The following PTBP2 variants were observed in gnomAD, a reference collection of about 807,000 sequenced individuals.
PTBP2 encodes polypyrimidine tract binding protein 2, also known as polypyrimidine tract-binding protein 2.
Under a neutral mutation model 61.4 loss-of-function variants are expected in PTBP2, and 13 were observed. That is an observed-to-expected ratio of 0.21 (90% CI 0.14 to 0.34). The LOEUF (loss-of-function observed/expected upper bound fraction) is 0.34, where lower values mean the gene tolerates loss of function less well. PTBP2 is among the 10% of genes least tolerant of loss of function. PTBP2 has a pLI of 1.00. For synonymous variants in PTBP2, 215 were observed against 218.5 expected, an observed-to-expected ratio of 0.98 and a Z score of 0.14; for missense variants, 405 against 642.6, an observed-to-expected ratio of 0.63 and a Z score of 4.00.
intron 3 of PTBP2, among the ~76,000 whole-genome samples, chr1:96,758,599 A>G (rs1655427955): frequency 6.6e-6 from 1 of 152,098 alleles, no homozygotes; most frequent in Non-Finnish European, 1.5e-5. Context: ...AACTCAGTGT[A>G]ATTTGTCACA....
At chr1:96,788,294 G>A (rs866530820) in intron 8 of PTBP2, among the ~76,000 whole-genome samples, 1 of 152,018 alleles carries the variant, frequency 6.6e-6, no homozygotes, top group South Asian at 2.1e-4. Flanking sequence ...TGTTAGGTCA[G>A]TTTTTGGAAA....
chr1:96,724,201 A>G (rs1650047583), intron 2 of PTBP2, among the ~76,000 whole-genome samples: 1 of 151,946 alleles, frequency 6.6e-6, no homozygotes, highest in African/African-American at 2.4e-5. Context: ...AATGCTTAAC[A>G]TTTTCTTGAG....
downstream of PTBP2, chr1:96,816,475 T>C (rs1301561572): frequency 6.6e-6 from 1 of 152,158 alleles, no homozygotes; most frequent in African/African-American, 2.4e-5. Context: ...TTTTTTGGTA[T>C]TGAAGATGTA....
chr1:96,757,762 C>A (rs1408265124), intron 3 of PTBP2, among the ~76,000 whole-genome samples: 2 of 151,948 alleles, frequency 1.3e-5, no homozygotes, highest in Non-Finnish European at 2.9e-5. Flanking sequence ...AATTAGAAAT[C>A]AAAAATAGAC....
chr1:96,791,826 C>CTTTTTTTTTTTTTTTTTTTTT (rs1163642886), intron 8 of PTBP2, among the ~76,000 whole-genome samples: 8 of 66,120 alleles, frequency 1.2e-4, no homozygotes, highest in African/African-American at 1.6e-4. Flanking sequence ...TGGAGTTGTG[C>CTTTTTTTTTTTTTTTTTTTTT]TTTTTTTTTT....
chr1:96,763,218 A>G (rs937635876), intron 3 of PTBP2, among the ~76,000 whole-genome samples: 54 of 152,078 alleles, frequency 3.6e-4, no homozygotes, highest in Non-Finnish European at 6.9e-4. Context: ...TTGGGAGGCC[A>G]AGGCAGGCGG....
intron 5 of PTBP2, among the ~76,000 whole-genome samples, chr1:96,773,962 C>CAAA (rs11449316): frequency 5.9e-4 from 50 of 84,984 alleles, no homozygotes; most frequent in Admixed American, 9.6e-4. Context: ...GACTCTGTCT[C>CAAA]AAAAAAAAAA....
chr1:96,774,190 T>C (rs1489182948), intron 5 of PTBP2, among the ~76,000 whole-genome samples: 1 of 151,806 alleles, frequency 6.6e-6, no homozygotes, highest in African/African-American at 2.4e-5. Context: ...CTTTTAATGG[T>C]GAGGGTACAA....
chr1:96,778,397 A>G (rs1378281070), intron 7 of PTBP2, among the ~76,000 whole-genome samples: 2 of 151,728 alleles, frequency 1.3e-5, no homozygotes, highest in African/African-American at 4.8e-5. Flanking sequence ...TTTTTTTTAA[A>G]GGTTTTATGA....
chr1:96,746,945 A>C (rs1653926332), intron 2 of PTBP2, among the ~76,000 whole-genome samples: 2 of 117,634 alleles, frequency 1.7e-5, no homozygotes, highest in African/African-American at 3.4e-5. Flanking sequence ...CTTCCTTCCT[A>C]CTTTACTTTA....
intron 9 of PTBP2, 54 bp from the exon 10 acceptor site, chr1:96,806,365 C>T: frequency 7.3e-7 from 1 of 1,372,454 alleles, no homozygotes; most frequent in Non-Finnish European, 1.0e-6. Context: ...TCCGCTCTTC[C>T]TCGACTCTTC....
chr1:96,771,004 A>C (rs912325496), intron 5 of PTBP2, 153 bp downstream of exon 5: 6 of 591,810 alleles, frequency 1.0e-5, no homozygotes, highest in Non-Finnish European at 1.7e-5. Context: ...GTTTCTAAGT[A>C]TTAAATACTA....
At chr1:96,738,519 C>T (rs190284200) in intron 2 of PTBP2, among the ~76,000 whole-genome samples, 72 of 152,220 alleles carry the variant, frequency 4.7e-4, no homozygotes, top group African/African-American at 1.7e-3. Context: ...GTGATCCGCC[C>T]GCCTCGGAAA....
intron 3 of PTBP2, among the ~76,000 whole-genome samples, chr1:96,756,566 C>T (rs1655181790): frequency 6.6e-6 from 1 of 152,028 alleles, no homozygotes; most frequent in South Asian, 2.1e-4. Flanking sequence ...AGGTGAATGG[C>T]CAAATAAACT....
chr1:96,809,256 GATACA>G (rs1176905017), intron 11 of PTBP2, among the ~76,000 whole-genome samples: 6 of 152,050 alleles, frequency 3.9e-5, no homozygotes, highest in South Asian at 2.1e-4. Context: ...AGATACAAAT[GATACA>G]ATACAATTAC....
At chr1:96,780,042 CACTT>C (rs777836515) in intron 7 of PTBP2, among the ~76,000 whole-genome samples, 63 of 152,150 alleles carry the variant, frequency 4.1e-4, no homozygotes, top group Non-Finnish European at 8.2e-4. Context: ...TCCTCACTCT[CACTT>C]GCTTGAAGAG....
intron 11 of PTBP2, among the ~76,000 whole-genome samples, chr1:96,808,407 C>T (rs574993489): frequency 3.3e-5 from 5 of 152,180 alleles, no homozygotes; most frequent in African/African-American, 1.2e-4. Context: ...CTCATGTGGC[C>T]TTTCCACTGT....
intron 2 of PTBP2, among the ~76,000 whole-genome samples, chr1:96,731,951 G>A (rs1197006268): frequency 6.6e-6 from 1 of 152,076 alleles, no homozygotes; most frequent in Non-Finnish European, 1.5e-5. Flanking sequence ...AATTCAGGAT[G>A]GTCCCCAATA....
chr1:96,760,245 T>C (rs994666369), intron 3 of PTBP2, among the ~76,000 whole-genome samples: 1 of 151,790 alleles, frequency 6.6e-6, no homozygotes, highest in Non-Finnish European at 1.5e-5. Context: ...GAAGTGACAT[T>C]ATAAGGATGG....
Sources: gnomAD v4.1 joint callset for allele counts (sites outside exome capture counted in the v4.1 genomes callset) on GRCh38, gnomAD v4.1.1 for gene constraint, MANE v1.5 for transcripts, NCBI Gene and HGNC (gene_info 2026-07-23, HGNC 2026-07-21) for gene names.